Variants in ATP6V0E1 observed in about 807,000 individuals in gnomAD.
The protein encoded by ATP6V0E1 is ATPase H+ transporting V0 subunit e1, also known as V-type proton ATPase subunit e 1.
A neutral mutation model predicts 11.6 loss-of-function variants in ATP6V0E1; 4 were observed. The observed-to-expected ratio is 0.35, with a 90% CI of 0.17 to 0.79. ATP6V0E1 has a LOEUF of 0.79. ATP6V0E1 is among the 30% of genes least tolerant of loss of function. ATP6V0E1 has a pLI of 0.54. For synonymous variants in ATP6V0E1, 36 were observed against 34.8 expected, an observed-to-expected ratio of 1.04 and a Z score of -0.13; for missense variants, 105 against 100.0, an observed-to-expected ratio of 1.05 and a Z score of -0.21.
chr5:173,023,055 C>G (rs2113610325), intron 3 of ATP6V0E1, among the ~76,000 whole-genome samples: 2 of 152,180 alleles, frequency 1.3e-5, no homozygotes, highest in South Asian at 4.1e-4. Flanking sequence ...TGAGGTCTCA[C>G]CATCTTGCCT....
intron 2 of ATP6V0E1, among the ~76,000 whole-genome samples, chr5:173,019,979 C>T (rs1373031741): frequency 6.6e-6 from 1 of 152,154 alleles, no homozygotes; most frequent in Admixed American, 6.6e-5. Context: ...GAAAGATAAT[C>T]AGGTAATGAG....
intron 2 of ATP6V0E1, among the ~76,000 whole-genome samples, chr5:173,008,067 G>A (rs979376775): frequency 1.3e-5 from 2 of 152,130 alleles, no homozygotes; most frequent in Admixed American, 6.5e-5. Context: ...CCCACTCCGC[G>A]ACCTCCGGCC....
At chr5:173,004,142 C>T (rs139081755) in intron 2 of ATP6V0E1, among the ~76,000 whole-genome samples, 1 of 151,052 alleles carries the variant, frequency 6.6e-6, no homozygotes, top group East Asian at 2.0e-4. Context: ...GAGGAAGAGT[C>T]AGAAAAGGGC....
chr5:172,984,863 A>G (rs906334634), intron 1 of ATP6V0E1, among the ~76,000 whole-genome samples: 1 of 152,242 alleles, frequency 6.6e-6, no homozygotes, highest in African/African-American at 2.4e-5. Context: ...TGGTGGCTTC[A>G]TAGTGCCTGG....
chr5:173,005,600 T>G (rs1052611017), intron 2 of ATP6V0E1, among the ~76,000 whole-genome samples: 2 of 152,246 alleles, frequency 1.3e-5, no homozygotes, highest in African/African-American at 4.8e-5. Context: ...ATCAATTTTA[T>G]TAATCTTTTC....
intron 2 of ATP6V0E1, among the ~76,000 whole-genome samples, chr5:173,009,848 C>A (rs2113597424): frequency 6.7e-6 from 1 of 150,246 alleles, no homozygotes; most frequent in Non-Finnish European, 1.5e-5. Flanking sequence ...ACTGCAACCT[C>A]TGCCTCCCGG....
At chr5:173,016,521 G>C (rs2113603648) in intron 2 of ATP6V0E1, among the ~76,000 whole-genome samples, 1 of 152,330 alleles carries the variant, frequency 6.6e-6, no homozygotes, top group South Asian at 2.1e-4. Flanking sequence ...AAAGTGCTGG[G>C]AAGTGGTGTT....
intron 1 of ATP6V0E1, among the ~76,000 whole-genome samples, chr5:172,987,540 T>G (rs1326202105): frequency 6.6e-6 from 1 of 152,092 alleles, no homozygotes; most frequent in African/African-American, 2.4e-5. Flanking sequence ...CGCCTCGGCC[T>G]CCCAAAGTGC....
intron 2 of ATP6V0E1, among the ~76,000 whole-genome samples, chr5:173,018,289 A>G (rs991610178): frequency 3.9e-5 from 6 of 152,204 alleles, no homozygotes; most frequent in Admixed American, 1.3e-4. Flanking sequence ...TATGTTTACT[A>G]TTATATTAAG....
At chr5:173,022,344 G>T (rs1351105878) in intron 3 of ATP6V0E1, among the ~76,000 whole-genome samples, 7 of 152,142 alleles carry the variant, frequency 4.6e-5, no homozygotes, top group African/African-American at 1.7e-4. Context: ...CTGGGTTCAG[G>T]TAATGACAGC....
intron 3 of ATP6V0E1, among the ~76,000 whole-genome samples, chr5:173,033,294 C>T (rs1756693186): frequency 6.6e-6 from 1 of 152,090 alleles, no homozygotes; most frequent in Non-Finnish European, 1.5e-5. Context: ...CCAGGCTGGC[C>T]TCAGGTGATC....
At chr5:173,017,390 C>T (rs1168689624) in intron 2 of ATP6V0E1, among the ~76,000 whole-genome samples, 2 of 150,974 alleles carry the variant, frequency 1.3e-5, no homozygotes, top group Admixed American at 6.6e-5. Context: ...AAAAATTAGC[C>T]GAGTGTGGTG....
chr5:172,990,236 C>T (rs1581623856), intron 1 of ATP6V0E1, among the ~76,000 whole-genome samples: 1 of 152,096 alleles, frequency 6.6e-6, no homozygotes, highest in Non-Finnish European at 1.5e-5. Flanking sequence ...AAATAAAGCC[C>T]CTGGCTCTTT....
At chr5:172,988,699 G>T (rs548568678) in intron 1 of ATP6V0E1, among the ~76,000 whole-genome samples, 8 of 151,354 alleles carry the variant, frequency 5.3e-5, no homozygotes, top group African/African-American at 1.7e-4. Flanking sequence ...GTGAGTTGGG[G>T]TTTTTTTTTG....
chr5:173,020,342 A>ATGCTCTACAG lies in ATP6V0E1; in HGVS notation c.*17_*26dup. 1 of 1,592,254 alleles carries ATGCTCTACAG rather than the reference A, an allele frequency of 6.3e-7. No individual in the cohort carries two copies. ...TATCATTGGCCTTGAGGAAGAAGACATGCTCTACAGTGCTCAGTCTTTGAG... is the reference window on the plus strand; with the variant it reads ...TATCATTGGCCTTGAGGAAGAAGACATGCTCTACAGTGCTCTACAGTGCTCAGTCTTTGAG... On this transcript the variant is annotated 3_prime_UTR_variant, in exon 3 of 4. Transcript: ENST00000519374.
At chr5:173,018,092 A>G (rs1287600758) in intron 2 of ATP6V0E1, among the ~76,000 whole-genome samples, 2 of 152,140 alleles carry the variant, frequency 1.3e-5, no homozygotes, top group African/African-American at 4.8e-5. Flanking sequence ...TGCACAGTTG[A>G]AAATCCATTT....
chr5:173,027,357 C>CCTGACATGGTGG (rs140534262), intron 3 of ATP6V0E1, among the ~76,000 whole-genome samples: 23,864 of 145,958 alleles, frequency 0.16, 3,359 homozygotes, highest in East Asian at 0.71. Context: ...AAAAAATGAG[C>CCTGACATGGTGG]CTGACATGGT....
At chr5:172,997,653 CA>C (rs577153780) in intron 2 of ATP6V0E1, among the ~76,000 whole-genome samples, 1 of 150,452 alleles carries the variant, frequency 6.6e-6, no homozygotes, top group Admixed American at 6.6e-5. Context: ...ACTAAAAATA[CA>C]AAAAAAAATT....
At chr5:172,989,771 A>G (rs1231838949) in intron 1 of ATP6V0E1, among the ~76,000 whole-genome samples, 1 of 151,966 alleles carries the variant, frequency 6.6e-6, no homozygotes, top group Non-Finnish European at 1.5e-5. Context: ...CAGGCGATGC[A>G]CCCACCTTGG....
Sources: allele counts gnomAD v4.1 joint callset (sites outside exome capture counted in the v4.1 genomes callset), GRCh38; gene constraint gnomAD v4.1.1; transcripts MANE v1.5; gene names NCBI Gene and HGNC (gene_info 2026-07-23, HGNC 2026-07-21).